The following TMEM255B variants were observed in gnomAD, a reference collection of about 807,000 sequenced individuals.
TMEM255B encodes the protein family with sequence similarity 70, member B.
In TMEM255B, 35 loss-of-function variants were observed where a neutral mutation model predicts 34.5. The observed-to-expected ratio is 1.01, with a 90% CI of 0.77 to 1.34. TMEM255B has a LOEUF of 1.34. Ranked by LOEUF, TMEM255B falls within the 40% of genes most tolerant of loss-of-function variation. TMEM255B has a pLI of 0.00. For synonymous variants in TMEM255B, 206 were observed against 201.2 expected (o/e 1.02, Z -0.20); for missense variants, 432 against 433.2 (o/e 1.00, Z 0.02).
At chr13:113,796,414 ACAGAG>A (rs2050939012) in intron 4 of TMEM255B, among the ~76,000 whole-genome samples, 1 of 61,872 alleles carries the variant, frequency 1.6e-5, no homozygotes, top group Non-Finnish European at 4.6e-5. Context: ...CACACACCAC[ACAGAG>A]CACACACCAC....
intron 8 of TMEM255B, among the ~76,000 whole-genome samples, chr13:113,807,574 C>T (rs1445153020): frequency 2.5e-4 from 25 of 100,310 alleles, no homozygotes; most frequent in African/African-American, 9.6e-4. Flanking sequence ...CGCAGGCTTA[C>T]GGGATGTGGG....
In TMEM255B at chr13:113,816,277, G is replaced by A. The variant is rs1336277032; in HGVS notation, c.*4374G>A. The stretch of plus-strand genomic sequence containing the variant: ...GGGGAGGCAAGTGTGTTCTAAGCGT[G>A]TTCTGGATGGGGAGAGGTGCAGTCA... On this transcript the variant is annotated 3_prime_UTR_variant, in exon 9 of 9. Transcript: ENST00000375353. The A allele has an allele frequency of 6.5e-6, 1 of 153,152 alleles. No homozygotes were observed. The highest frequency in any genetic ancestry group is 1.3e-5 in the Non-Finnish European group (1 of 75,586). The allele number at this position is 153,152 out of a possible 1,614,324, so 9.5% of individuals were successfully genotyped here. A position where few individuals can be genotyped will look rare whatever the true frequency, so the allele number is the denominator to read the frequency against.
At position 113,794,825 on chromosome 13, in the gene TMEM255B, G is replaced by T. The variant is rs8002740; in HGVS notation, c.253-323G>T. Among the ~76,000 whole-genome samples, 1,442 of 152,358 alleles carry T rather than the reference G, an allele frequency of 9.5e-3. 31 individuals are homozygous for T. The highest frequency in any genetic ancestry group is 0.032 in the African/African-American group (1,336 of 41,580). On this transcript the variant is annotated intron_variant, in intron 3 of 8. Transcript: ENST00000375353. ...GTGTCAAGCATGCACATGTGTGTGCGTGTGATGAGCACACATTAGGGTTGG... is the reference window on the plus strand; with the variant it reads ...GTGTCAAGCATGCACATGTGTGTGCTTGTGATGAGCACACATTAGGGTTGG...
intron 3 of TMEM255B, among the ~76,000 whole-genome samples, chr13:113,786,737 T>G (rs1454093553): frequency 6.6e-6 from 1 of 152,094 alleles, no homozygotes; most frequent in African/African-American, 2.4e-5. Context: ...TGCTGGGGAG[T>G]GAATTTCCTC....
chr13:113,796,906 C>T (rs2050951452), intron 4 of TMEM255B, among the ~76,000 whole-genome samples: 1 of 150,602 alleles, frequency 6.6e-6, no homozygotes, highest in African/African-American at 2.5e-5. Context: ...ACAAAACACA[C>T]GTGCGTGCGC....
chr13:113,801,896 C>T, intron 7 of TMEM255B, 84 bp downstream of exon 7: 2 of 1,417,060 alleles, frequency 1.4e-6, no homozygotes, highest in Non-Finnish European at 1.9e-6. Context: ...GGGGGGCCTC[C>T]AGCCCTCACT....
chr13:113,791,500 C>T (rs1041796323), intron 3 of TMEM255B, among the ~76,000 whole-genome samples: 3 of 152,096 alleles, frequency 2.0e-5, no homozygotes, highest in Admixed American at 6.5e-5. Context: ...TCTGTGGGAG[C>T]GACGTCGTGT....
intron 4 of TMEM255B, 133 bp from the exon 5 acceptor site, chr13:113,799,206 T>TG: frequency 1.3e-6 from 1 of 752,672 alleles, no homozygotes; most frequent in South Asian, 1.7e-5. Flanking sequence ...GTTCTGTGTC[T>TG]GGGAGGCTCA....
At chr13:113,808,154 G>A (rs1376114737) in intron 8 of TMEM255B, among the ~76,000 whole-genome samples, 8 of 152,316 alleles carry the variant, frequency 5.3e-5, no homozygotes, top group African/African-American at 1.7e-4. Flanking sequence ...AAAATATTCA[G>A]GGTGTTCCAT....
rs773628564 is a variant in TMEM255B at position 113,801,753 on chromosome 13, GTCCTGGGCCTGT to G, written c.619_630del (p.Leu207_Gly210del). On this transcript the variant is annotated inframe_deletion, in exon 7 of 9. Coordinates refer to ENST00000375353, the MANE Select transcript of TMEM255B (RefSeq NM_182614.4). ...GCTCTGGGCCTCTGCAGTTCTGAAC[GTCCTGGGCCTGT>G]TCCTGGGCATCATCACCGCCGCCGT... The G allele has an allele frequency of 3.1e-6, 5 of 1,612,966 alleles. No individual in the cohort carries two copies. Among genetic ancestry groups the G allele is most frequent in the Admixed American group, 1.7e-5 (1 of 59,950 alleles).
chr13:113,766,361 G>A, intron 2 of TMEM255B, 104 bp downstream of exon 2: 1 of 1,538,376 alleles, frequency 6.5e-7, no homozygotes, highest in Non-Finnish European at 8.9e-7. Flanking sequence ...CTGAAGGTGG[G>A]GAGGCTTCGA....
At chr13:113,802,044 T>G (rs982568999) in intron 7 of TMEM255B, among the ~76,000 whole-genome samples, 1 of 152,224 alleles carries the variant, frequency 6.6e-6, no homozygotes, top group African/African-American at 2.4e-5. Flanking sequence ...GCCTCCCCGC[T>G]GAGGTGGGCA....
Position 113,812,216 on chromosome 13 carries a change from A to C in TMEM255B, c.*313A>C. The C allele has an allele frequency of 5.0e-6, 2 of 400,756 alleles. No homozygotes were observed. Among genetic ancestry groups the C allele is most frequent in the Non-Finnish European group, 8.9e-6 (2 of 224,718 alleles). 24.8% of individuals were successfully genotyped at this position (400,756 alleles called of 1,614,324 possible). On this transcript the variant is annotated 3_prime_UTR_variant, in exon 9 of 9. Coordinates refer to ENST00000375353, the MANE Select transcript of TMEM255B (RefSeq NM_182614.4). ...TTTCACATCCCTTAATTAATTAGCT[A>C]TTATTATGATTTTGCAAAGACAGTG...
At chr13:113,773,998 T>C (rs1368155747) in intron 3 of TMEM255B, among the ~76,000 whole-genome samples, 1 of 152,210 alleles carries the variant, frequency 6.6e-6, no homozygotes, top group Admixed American at 6.5e-5. Context: ...GAACACTTTT[T>C]TCTCAATTTA....
intron 1 of TMEM255B, chr13:113,761,165 A>G (rs1447683083): frequency 5.1e-6 from 5 of 985,174 alleles, no homozygotes; most frequent in Non-Finnish European, 6.0e-6. Flanking sequence ...ACATGATTAA[A>G]TGGAACTCAC....
chr13:113,764,587 C>T (rs534716557), intron 1 of TMEM255B, among the ~76,000 whole-genome samples: 83 of 152,326 alleles, frequency 5.4e-4, no homozygotes, highest in Middle Eastern at 3.4e-3. Context: ...ACATCCGGAG[C>T]GCCCTGTCCC....
chr13:113,775,235 A>G (rs2050557076), intron 3 of TMEM255B, among the ~76,000 whole-genome samples: 1 of 151,876 alleles, frequency 6.6e-6, no homozygotes, highest in African/African-American at 2.4e-5. Context: ...CACATACTAT[A>G]CACACCACAC....
In TMEM255B at chr13:113,781,561, T is replaced by C. The variant is rs540428087; in HGVS notation, c.252+12401T>C. Among the ~76,000 whole-genome samples the C allele has an allele frequency of 2.4e-4, 37 of 152,324 alleles. No individual in the cohort carries two copies. In the South Asian group the frequency reaches 3.5e-3, roughly 15 times the overall value. Reference sequence around the variant, plus strand: ...ACTTTTGGTGAAGACCTTGGTACGTTTGGGATTTTAAATGATGTACTAGGT... The same window carrying C: ...ACTTTTGGTGAAGACCTTGGTACGTCTGGGATTTTAAATGATGTACTAGGT... On this transcript the variant is annotated intron_variant, in intron 3 of 8. Coordinates refer to ENST00000375353, the MANE Select transcript of TMEM255B (RefSeq NM_182614.4).
At chr13:113,800,437 G>A (rs543366495) in intron 5 of TMEM255B, among the ~76,000 whole-genome samples, 11 of 152,084 alleles carry the variant, frequency 7.2e-5, no homozygotes, top group African/African-American at 2.4e-4. Context: ...TGGGGGGAGA[G>A]CGCCCTGGGA....
Sources: allele counts gnomAD v4.1 joint callset (sites outside exome capture counted in the v4.1 genomes callset), GRCh38; gene constraint gnomAD v4.1.1; transcripts MANE v1.5; gene names NCBI Gene and HGNC (gene_info 2026-07-23, HGNC 2026-07-21).